ROBO2: variants seen among roughly 807,000 people sequenced by gnomAD.
ROBO2 encodes roundabout guidance receptor 2.
A neutral mutation model predicts 160.8 loss-of-function variants in ROBO2; 53 were observed. The observed-to-expected ratio is 0.33, with a 90% confidence interval of 0.26 to 0.41. The LOEUF (loss-of-function observed/expected upper bound fraction) is 0.41. Ranked by LOEUF, ROBO2 falls within the 10% of genes least tolerant of loss-of-function variation. The pLI, the probability that ROBO2 is intolerant of heterozygous loss-of-function variation, is 1.00. For missense variants in ROBO2, 1,577 were observed against 1,722.4 expected (o/e 0.92, Z 1.49); for synonymous variants, 664 against 611.7 (o/e 1.09, Z -1.26).
At chr3:76,937,782 T>C (rs1376597503) in intron 2 of ROBO2, among the ~76,000 whole-genome samples, 2 of 152,316 alleles carry the variant, frequency 1.3e-5, no homozygotes, top group East Asian at 1.9e-4. Context: ...ACTTTGTGGA[T>C]GTAATAGTAT....
chr3:76,004,041 A>C (rs188208214), intron 2 of ROBO2, among the ~76,000 whole-genome samples: 25 of 152,252 alleles, frequency 1.6e-4, no homozygotes, highest in African/African-American at 6.0e-4. Flanking sequence ...CTCAACTATC[A>C]ATTCCTGGAT....
At chr3:77,103,620 T>C (rs76823063) in intron 2 of ROBO2, among the ~76,000 whole-genome samples, 11 of 152,310 alleles carry the variant, frequency 7.2e-5, no homozygotes, top group African/African-American at 2.4e-4. Flanking sequence ...TTATTTTTTC[T>C]TTTTCTCTTA....
chr3:76,358,248 C>T (rs546570218), intron 2 of ROBO2, among the ~76,000 whole-genome samples: 5 of 152,000 alleles, frequency 3.3e-5, no homozygotes, highest in East Asian at 2.0e-4. Context: ...TTCATTTTTC[C>T]CCACTCCAAA....
intron 2 of ROBO2, among the ~76,000 whole-genome samples, chr3:76,902,388 TCTTA>T (rs1427465750): frequency 6.6e-6 from 1 of 152,078 alleles, no homozygotes; most frequent in East Asian, 1.9e-4. Context: ...GAGAGTACAC[TCTTA>T]CTTTTCTACT....
chr3:76,096,282 A>G (rs1031907456), intron 2 of ROBO2, among the ~76,000 whole-genome samples: 1 of 152,204 alleles, frequency 6.6e-6, no homozygotes, highest in African/African-American at 2.4e-5. Context: ...ACTTTGAGAT[A>G]ATAAACTAGC....
chr3:76,988,521 A>G (rs1050959189), intron 2 of ROBO2, among the ~76,000 whole-genome samples: 1 of 152,154 alleles, frequency 6.6e-6, no homozygotes, highest in Non-Finnish European at 1.5e-5. Flanking sequence ...TGTAGAAGAC[A>G]GTACTCTTAT....
At position 76,280,230 on chromosome 3, in the gene ROBO2, A is replaced by C. The variant is rs1158387; in HGVS notation, c.109+342628A>C. Among the ~76,000 whole-genome samples the C allele has an allele frequency of 4.5e-3, 680 of 152,132 alleles. 7 individuals carry two copies. Among genetic ancestry groups the C allele is most frequent in the Admixed American group, 0.026 (392 of 15,222 alleles). On this transcript the variant is annotated intron_variant, in intron 2 of 26. Transcript: ENST00000487694. ...TTTTTCTTCATAATATTTAGTGGAA[A>C]GTATCTTGCTTTTAGGGACTGAATT...
At chr3:77,141,608 A>T (rs62251806) in intron 2 of ROBO2, among the ~76,000 whole-genome samples, 8,117 of 152,252 alleles carry the variant, frequency 0.053, 347 homozygotes, top group African/African-American at 0.11. Context: ...CCCATTCTTG[A>T]TAAGCATGAA....
intron 19 of ROBO2, among the ~76,000 whole-genome samples, chr3:77,601,688 CT>C (rs1469084381): frequency 1.3e-5 from 2 of 152,156 alleles, no homozygotes; most frequent in East Asian, 1.9e-4. Context: ...CTCTCCTTTT[CT>C]GGAGCAATTA....
intron 2 of ROBO2, among the ~76,000 whole-genome samples, chr3:76,391,521 CT>C (rs11329652): frequency 0.28 from 41,931 of 147,856 alleles, 8,082 homozygotes; most frequent in African/African-American, 0.56. Flanking sequence ...GATGGTGATA[CT>C]TTTTTTTTTT....
chr3:77,583,577 A>G (rs1378829865), intron 16 of ROBO2, among the ~76,000 whole-genome samples: 3 of 152,084 alleles, frequency 2.0e-5, no homozygotes, highest in Non-Finnish European at 2.9e-5. Context: ...TTATGACCAT[A>G]TTAAGTCCAT....
intron 2 of ROBO2, among the ~76,000 whole-genome samples, chr3:76,502,675 T>C (rs951464664): frequency 6.6e-6 from 1 of 152,170 alleles, no homozygotes; most frequent in African/African-American, 2.4e-5. Context: ...AAGCACATCA[T>C]GAAGAATGGG....
chr3:77,644,769 A>G, exon 25 of ROBO2: 1 of 1,614,086 alleles, frequency 6.2e-7, no homozygotes, highest in Non-Finnish European at 8.5e-7. Context: ...CTCATCAGGA[A>G]CAGCTTCTTC....
intron 16 of ROBO2, among the ~76,000 whole-genome samples, chr3:77,581,057 A>G (rs575049111): frequency 4.6e-5 from 7 of 152,214 alleles, no homozygotes; most frequent in African/African-American, 1.4e-4. Flanking sequence ...TGTGATTTTA[A>G]CTTAAATTTT....
At chr3:76,104,411 T>C (rs531184856) in intron 2 of ROBO2, among the ~76,000 whole-genome samples, 27 of 152,290 alleles carry the variant, frequency 1.8e-4, no homozygotes, top group Admixed American at 7.8e-4. Flanking sequence ...GGGTGGTAGA[T>C]AGTATACAGA....
In ROBO2 at chr3:76,530,605, G is replaced by A. The variant is rs145255435; in HGVS notation, c.110-567409G>A. On this transcript the variant is annotated intron_variant, in intron 2 of 26. Coordinates refer to the ROBO2 transcript ENST00000487694. ...GTCTCGTCTCAGTAACTTAGCTCTCGCAAGTGAAAGTGATCTTAGATTGGA... is the reference window on the plus strand; with the variant it reads ...GTCTCGTCTCAGTAACTTAGCTCTCACAAGTGAAAGTGATCTTAGATTGGA... Among the ~76,000 whole-genome samples, 21 of 152,192 alleles carry A rather than the reference G, an allele frequency of 1.4e-4. No homozygotes were observed. The East Asian group carries it at 1.7e-3, about 13-fold the overall frequency.
At position 77,121,288 on chromosome 3, in the gene ROBO2, A is replaced by G. The variant is rs573210641; in HGVS notation, c.388+22948A>G. Among the ~76,000 whole-genome samples the G allele has an allele frequency of 7.7e-4, 117 of 152,194 alleles. 4 individuals carry two copies. The South Asian group carries it at 0.024, about 31-fold the overall frequency. On this transcript the variant is annotated intron_variant, in intron 2 of 25. Transcript: ENST00000461745. ...CCTGAATACATGCTCAGGTTTTGAT[A>G]TTCTTTTAAAATTCTTTCATATTCT...
At chr3:77,495,372 A>G (rs1031505021) in intron 5 of ROBO2, among the ~76,000 whole-genome samples, 2 of 152,224 alleles carry the variant, frequency 1.3e-5, no homozygotes, top group African/African-American at 4.8e-5. Context: ...ACATGACAAT[A>G]AAACATTTGT....
At chr3:77,067,397 A>T (rs1292914533) in intron 1 of ROBO2, among the ~76,000 whole-genome samples, 1 of 152,152 alleles carries the variant, frequency 6.6e-6, no homozygotes, top group African/African-American at 2.4e-5. Flanking sequence ...TATTTAACAA[A>T]AGTTAAGTCA....
Sources: gnomAD v4.1 joint callset for allele counts (sites outside exome capture counted in the v4.1 genomes callset) on GRCh38, gnomAD v4.1.1 for gene constraint, MANE v1.5 for transcripts, NCBI Gene and HGNC (gene_info 2026-07-23, HGNC 2026-07-21) for gene names.